The following CCDC88C variants were observed in gnomAD, a reference collection of about 807,000 sequenced individuals.
CCDC88C encodes protein Daple.
Under a neutral mutation model 198.8 loss-of-function variants are expected in CCDC88C, and 131 were observed. That is an observed-to-expected ratio of 0.66 (90% CI 0.57 to 0.76). The LOEUF (loss-of-function observed/expected upper bound fraction) is 0.76, where lower values mean the gene tolerates loss of function less well. Among genes scored for constraint, CCDC88C ranks in the 30% least tolerant of loss-of-function variants. The pLI is 0.00. For synonymous variants in CCDC88C, 1,166 were observed against 1,114.7 expected (o/e 1.05, Z -0.92); for missense variants, 2,553 against 2,631.6 (o/e 0.97, Z 0.65).
chr14:91,390,330 C>T (rs553283871), intron 3 of CCDC88C, among the ~76,000 whole-genome samples: 1 of 152,336 alleles, frequency 6.6e-6, no homozygotes, highest in Admixed American at 6.5e-5. Context: ...CCTCCATCCG[C>T]TTAATTTATG....
Position 91,273,546 on chromosome 14 carries a change from G to A in CCDC88C, c.5166C>T (p.Ala1722=). The change falls in exon 30 of 30, where the codon GCC becomes GCT. Residue 1722 remains alanine, a synonymous_variant. Coordinates refer to ENST00000389857, the MANE Select transcript of CCDC88C (RefSeq NM_001080414.4). The surrounding 1 kb of genome is among the most constrained non-coding windows in gnomAD (Gnocchi z 5.6). ...QPGPPAKKEG[A]KMPTNFVAPT... is the part of the protein sequence containing the mutation. ...GGGCCACAAAGTTGGTGGGCATCTT[G>A]GCCCCTTCTTTCTTGGCAGGTGGTC... is the stretch of plus-strand genomic sequence containing the variant. 1 of 1,512,304 alleles carries A rather than the reference G, an allele frequency of 6.6e-7. No homozygotes were observed. The highest frequency in any genetic ancestry group is 1.3e-5 in the South Asian group (1 of 75,408). 93.7% of individuals were successfully genotyped at this position (1,512,304 alleles called of 1,614,324 possible).
intron 2 of CCDC88C, among the ~76,000 whole-genome samples, chr14:91,416,037 A>C (rs1323153992): frequency 6.6e-6 from 1 of 152,216 alleles, no homozygotes; most frequent in Non-Finnish European, 1.5e-5. Context: ...AACAGAATGC[A>C]AAGGTAGAAG....
In CCDC88C at chr14:91,321,225, GCT is replaced by G; in HGVS notation, c.1420_1421del (p.Ser474ProfsTer37). ...GCAGCCCCTGGATGGTGCTCTGGAG[GCT>G]CTGATTCTCCTTCTCCAGCTTCAGG... ...RILKLEKENQ[S>X]LQSTIQGLRD... On this transcript the variant is annotated frameshift_variant, in exon 13 of 30. Coordinates refer to ENST00000389857, the MANE Select transcript of CCDC88C (RefSeq NM_001080414.4). LOFTEE classifies it high-confidence loss of function. 6.2e-7 allele frequency: 1 copy of G among 1,605,464 alleles called. No individual in the cohort carries two copies.
Position 91,273,159 on chromosome 14 carries a change from G to A in CCDC88C, c.5553C>T (p.Pro1851=), listed in dbSNP as rs760535644. ...GSHTLQSPAP[P]SSHSLARERT... is the part of the protein sequence containing the mutation. ...GCTCCCGGGCCAGGCTATGGGAGCT[G>A]GGGGGTGCGGGGCTTTGCAGGGTGT... The change falls in exon 30 of 30, where the codon CCC becomes CCT. Residue 1851 remains proline (P), a synonymous_variant. Coordinates refer to ENST00000389857, the MANE Select transcript of CCDC88C (RefSeq NM_001080414.4). This position sits in a 1 kb window ranked among gnomAD's most constrained non-coding sequence, Gnocchi z 5.6. 1 of 1,580,090 alleles carries A rather than the reference G, an allele frequency of 6.3e-7. No homozygotes were observed. Among genetic ancestry groups the A allele is most frequent in the Admixed American group, 1.8e-5 (1 of 55,150 alleles).
At chr14:91,278,545 G>A (rs756848377) in intron 28 of CCDC88C, among the ~76,000 whole-genome samples, 2 of 152,220 alleles carry the variant, frequency 1.3e-5, no homozygotes, top group Non-Finnish European at 2.9e-5. Context: ...TAAATGTACA[G>A]GGAAGGTTCA....
chr14:91,293,289 T>C (rs1466773581), intron 23 of CCDC88C, among the ~76,000 whole-genome samples: 62 of 77,014 alleles, frequency 8.1e-4, no homozygotes, highest in Admixed American at 7.2e-3. Flanking sequence ...GACCTTCCTG[T>C]CCCCTCACCT....
intron 26 of CCDC88C, 100 bp downstream of exon 26, chr14:91,283,229 A>T: frequency 2.5e-6 from 3 of 1,204,386 alleles, no homozygotes; most frequent in Non-Finnish European, 3.5e-6. Flanking sequence ...CACCTCTCAG[A>T]CTGAGAGGGA....
At chr14:91,336,271 C>T (rs368834757) in intron 10 of CCDC88C, among the ~76,000 whole-genome samples, 1 of 152,194 alleles carries the variant, frequency 6.6e-6, no homozygotes, top group Non-Finnish European at 1.5e-5. Context: ...CGCTCAGTTA[C>T]CATGCAGGCG....
intron 10 of CCDC88C, among the ~76,000 whole-genome samples, chr14:91,327,901 G>A (rs796691871): frequency 5.9e-5 from 9 of 152,276 alleles, no homozygotes; most frequent in African/African-American, 2.2e-4. Context: ...GACCCAGCTG[G>A]AGTTGTCCCC....
chr14:91,371,934 G>A lies in CCDC88C; in HGVS notation c.271-12223C>T, dbSNP rs1894823599. Among the ~76,000 whole-genome samples, 1 of 152,208 alleles carries A rather than the reference G, an allele frequency of 6.6e-6. No homozygotes were observed. Among genetic ancestry groups the A allele is most frequent in the South Asian group, 2.1e-4 (1 of 4,836 alleles). On this transcript the variant is annotated intron_variant, in intron 3 of 29. Transcript: ENST00000389857. The surrounding 1 kb of genome is among the most constrained non-coding windows in gnomAD (Gnocchi z 4.2). The stretch of plus-strand genomic sequence containing the variant: ...ATGGCAGCCCAGACCACCCCAGCCT[G>A]CTGGGACCTGTGAGGGTGGGAAAGG...
chr14:91,377,334 C>T (rs372604500), intron 3 of CCDC88C, among the ~76,000 whole-genome samples: 2 of 152,190 alleles, frequency 1.3e-5, no homozygotes, highest in South Asian at 2.1e-4. Flanking sequence ...TGACAGTTCA[C>T]GCGCATGAGA....
chr14:91,310,562 C>T (rs1278712338), intron 15 of CCDC88C, among the ~76,000 whole-genome samples: 1 of 152,078 alleles, frequency 6.6e-6, no homozygotes. Flanking sequence ...AGGTGTGCAC[C>T]AGCACACCTG....
At position 91,338,441 on chromosome 14, in the gene CCDC88C, T is replaced by TC; in HGVS notation, c.891+47dup. 1 of 1,495,324 alleles carries TC rather than the reference T, an allele frequency of 6.7e-7. No individual in the cohort carries two copies. Among genetic ancestry groups the TC allele is most frequent in the Non-Finnish European group, 9.1e-7 (1 of 1,095,972 alleles). 92.6% of individuals were successfully genotyped at this position (1,495,324 alleles called of 1,614,324 possible). A position where few individuals can be genotyped will look rare whatever the true frequency, so the allele number is the denominator to read the frequency against. ...CCCTCCAGGCCCCGTTACTGGACACTCCAGCCCTGCTACCCCCAGGACACA... is the reference window on the plus strand; with the variant it reads ...CCCTCCAGGCCCCGTTACTGGACACTCCCAGCCCTGCTACCCCCAGGACACA... On this transcript the variant is annotated intron_variant, in intron 9 of 29. Transcript: ENST00000389857. The surrounding 1 kb of genome is among the most constrained non-coding windows in gnomAD (Gnocchi z 4.8).
intron 3 of CCDC88C, among the ~76,000 whole-genome samples, chr14:91,392,273 A>C (rs1885552048): frequency 1.3e-5 from 2 of 152,032 alleles, no homozygotes; most frequent in Non-Finnish European, 2.9e-5. Flanking sequence ...ACCCTTTCCT[A>C]CATGCCACCC....
chr14:91,340,420 A>C (rs1356581654), intron 6 of CCDC88C, among the ~76,000 whole-genome samples: 1 of 152,214 alleles, frequency 6.6e-6, no homozygotes, highest in Non-Finnish European at 1.5e-5. Context: ...GCAAACAGCA[A>C]AAATATTAAT....
rs898140964 is a variant in CCDC88C, at chr14:91,417,786, G to C, written c.-96C>G. On this transcript the variant is annotated 5_prime_UTR_variant, in exon 1 of 30. Coordinates refer to ENST00000389857, the MANE Select transcript of CCDC88C (RefSeq NM_001080414.4). ...CGGCTCCGCAGCGAGCAGCGGGCGC[G>C]GGGCTGCGGCGGCTCGCGCCCGGGA... The C allele has an allele frequency of 4.5e-6, 4 of 881,910 alleles. No homozygotes were observed. Among genetic ancestry groups the C allele is most frequent in the Non-Finnish European group, 4.4e-6 (3 of 688,582 alleles). 54.6% of individuals were successfully genotyped at this position (881,910 alleles called of 1,614,324 possible). A position where few individuals can be genotyped will look rare whatever the true frequency, so the allele number is the denominator to read the frequency against.
intron 1 of CCDC88C, 159 bp downstream of exon 1, chr14:91,417,472 C>A (rs1567132989): frequency 1.7e-6 from 1 of 599,320 alleles, no homozygotes; most frequent in Non-Finnish European, 2.9e-6. Context: ...GCTCCGGACT[C>A]CAGGACGCGG....
chr14:91,391,968 G>A (rs1033975179), intron 3 of CCDC88C, among the ~76,000 whole-genome samples: 68 of 151,840 alleles, frequency 4.5e-4, no homozygotes, highest in African/African-American at 1.5e-3. Context: ...GTGCAGTGAC[G>A]CAATCCAGCT....
intron 3 of CCDC88C, among the ~76,000 whole-genome samples, chr14:91,401,228 ATATATATT>A (rs971497760): frequency 9.0e-6 from 1 of 111,326 alleles, no homozygotes. Context: ...TAGTAAGAAT[ATATATATT>A]TATATATTAT....
Sources: gnomAD v4.1 joint callset for allele counts (sites outside exome capture counted in the v4.1 genomes callset) on GRCh38, gnomAD v4.1.1 for gene constraint, Gnocchi (gnomAD v3.1) non-coding constraint, MANE v1.5 for transcripts, NCBI Gene and HGNC (gene_info 2026-07-23, HGNC 2026-07-21) for gene names.